Variants in DHX57 observed in about 807,000 individuals in gnomAD.
DHX57 encodes the protein DExH-box helicase 57.
In DHX57, 105 loss-of-function variants were observed where a neutral mutation model predicts 156.2. That is an observed-to-expected ratio of 0.67 (90% CI 0.57 to 0.79). DHX57 has a LOEUF of 0.79. Ranked by LOEUF, DHX57 falls within the 30% of genes least tolerant of loss-of-function variation. The pLI is 0.00. For synonymous variants in DHX57, 704 were observed against 595.6 expected, an observed-to-expected ratio of 1.18 and a Z score of -2.65; for missense variants, 1,847 against 1,661.9, an observed-to-expected ratio of 1.11 and a Z score of -1.94.
chr2:38,871,086 C>A (rs748786077), intron 1 of DHX57, among the ~76,000 whole-genome samples: 2 of 152,008 alleles, frequency 1.3e-5, no homozygotes, highest in Admixed American at 6.6e-5. Context: ...TAATTTAAAT[C>A]TACATGAAAA....
chr2:38,822,644 C>T (rs1016801267), intron 17 of DHX57, among the ~76,000 whole-genome samples: 2 of 152,202 alleles, frequency 1.3e-5, no homozygotes, highest in Admixed American at 1.3e-4. Flanking sequence ...ATCTGCCCGC[C>T]TCCGCCTCCC....
chr2:38,830,298 T>G (rs1028246617), intron 13 of DHX57, among the ~76,000 whole-genome samples: 2 of 152,182 alleles, frequency 1.3e-5, no homozygotes, highest in Admixed American at 1.3e-4. Flanking sequence ...TGTTCACATA[T>G]ATTATCCCAT....
In DHX57 at chr2:38,860,998, C is replaced by T. The variant is rs779593826; in HGVS notation, c.1411+1G>A. 1 of 1,610,722 alleles carries T rather than the reference C, an allele frequency of 6.2e-7. No homozygotes were observed. The highest frequency in any genetic ancestry group is 8.5e-7 in the Non-Finnish European group (1 of 1,177,726). Reference sequence around the variant, plus strand: ...CTCCACAAGATCAATGCCTTACATACCTTCTGGAATTTGATTAGAAACAAA... The same window carrying T: ...CTCCACAAGATCAATGCCTTACATATCTTCTGGAATTTGATTAGAAACAAA... On this transcript the variant is annotated splice_donor_variant, in intron 5 of 23. Transcript: ENST00000457308. LOFTEE classifies it high-confidence loss of function.
intron 21 of DHX57, chr2:38,810,658 T>G (rs1434992403): frequency 2.9e-6 from 2 of 678,390 alleles, no homozygotes; most frequent in Non-Finnish European, 5.5e-6. Context: ...GTCCTGGGAC[T>G]TGGCAATGCA....
At chr2:38,810,218 T>TA in intron 21 of DHX57, among the ~76,000 whole-genome samples, 1 of 147,592 alleles carries the variant, frequency 6.8e-6, no homozygotes, top group Non-Finnish European at 1.5e-5. Context: ...TTTTTTTTTT[T>TA]AATTGTCATT....
rs1276536455 is a variant in DHX57, at chr2:38,856,337, T to C, written c.1709+3A>G. On this transcript the variant is annotated splice_donor_region_variant and intron_variant, in intron 7 of 23. Coordinates refer to ENST00000457308, the MANE Select transcript of DHX57 (RefSeq NM_198963.3). ...GCTACAGATGAATAAACTGCATTCT[T>C]ACCCAGTCATACCACTTATGACAAC... 1.2e-6 allele frequency: 2 copies of C among 1,606,686 alleles called. No individual in the cohort carries two copies. The highest frequency in any genetic ancestry group is 2.2e-5 in the East Asian group (1 of 44,854).
chr2:38,868,398 G>T lies in DHX57; in HGVS notation c.8C>A (p.Ser3Tyr). Residue 3 changes from serine to tyrosine, a missense_variant, in exon 2 of 24, where the codon TCT becomes TAT. By Grantham distance (144) the Ser-to-Tyr change is moderately radical (BLOSUM62 -2). Coordinates refer to ENST00000457308, the MANE Select transcript of DHX57 (RefSeq NM_198963.3). Reference protein sequence around the residue: MSSSVRRKGKPGK... With the variant: MSYSVRRKGKPGK... ...TGGCTTGCCTTTTCTTCTTACTGAAGAACTCATTTTCACCTGCAAGAGAAA... is the reference window on the plus strand; with the variant it reads ...TGGCTTGCCTTTTCTTCTTACTGAATAACTCATTTTCACCTGCAAGAGAAA... The T allele has an allele frequency of 6.2e-7, 1 of 1,612,726 alleles. No individual in the cohort carries two copies. The highest frequency in any genetic ancestry group is 2.2e-5 in the East Asian group (1 of 44,882).
intron 23 of DHX57, among the ~76,000 whole-genome samples, 154 bp downstream of exon 23, chr2:38,802,561 T>A (rs1669734248): frequency 6.6e-6 from 1 of 152,138 alleles, no homozygotes; most frequent in Non-Finnish European, 1.5e-5. Context: ...GTGCTGGGAT[T>A]ATAGGTGTGA....
At chr2:38,855,402 T>C in intron 7 of DHX57, 150 bp from the exon 8 acceptor site, 1 of 808,700 alleles carries the variant, frequency 1.2e-6, no homozygotes, top group Non-Finnish European at 2.0e-6. Flanking sequence ...TCCTGACTTA[T>C]TACCAAGAGG....
At chr2:38,837,608 T>A (rs1317269756) in intron 13 of DHX57, among the ~76,000 whole-genome samples, 1 of 2,738 alleles carries the variant, frequency 3.7e-4, no homozygotes, top group African/African-American at 3.8e-4. Flanking sequence ...CAAAACCCCG[T>A]CTCAAAAAAA....
At chr2:38,808,039 C>G (rs1670048531) in intron 21 of DHX57, among the ~76,000 whole-genome samples, 1 of 147,608 alleles carries the variant, frequency 6.8e-6, no homozygotes, top group African/African-American at 2.5e-5. Flanking sequence ...ACTGCAACCT[C>G]CGCCTCTCGG....
rs531030510 is a variant in DHX57 at position 38,875,792 on chromosome 2, T to A, written c.-12A>T. ...CGCAGAAGTGGAAGACGTACCTGGC[T>A]CGCAGAGTTGGGTCCCGAGCCGGCT... On this transcript the variant is annotated 5_prime_UTR_variant, in exon 1 of 24. Coordinates refer to ENST00000457308, the MANE Select transcript of DHX57 (RefSeq NM_198963.3). 162 of 377,282 alleles carry A rather than the reference T, an allele frequency of 4.3e-4. 1 individual carries two copies. The highest frequency in any genetic ancestry group is 3.1e-3 in the African/African-American group (150 of 48,350). The allele number at this position is 377,282 out of a possible 1,614,324, so 23.4% of individuals were successfully genotyped here.
At chr2:38,863,561 T>C (rs1271126108) in intron 2 of DHX57, 42 bp from the exon 3 acceptor site, 1 of 1,585,468 alleles carries the variant, frequency 6.3e-7, no homozygotes, top group Non-Finnish European at 8.6e-7. Flanking sequence ...ATATCTTCAA[T>C]CAGAACTTTT....
At chr2:38,828,932 C>G (rs1671242079) in intron 13 of DHX57, among the ~76,000 whole-genome samples, 1 of 152,094 alleles carries the variant, frequency 6.6e-6, no homozygotes. Flanking sequence ...TAGCTAAGCT[C>G]TTTTTTTATT....
chr2:38,806,605 T>A lies in DHX57; in HGVS notation c.3770A>T (p.Lys1257Met). The change falls in exon 22 of 24, where the codon AAG becomes ATG. Residue 1257 changes from lysine to methionine, a missense_variant. By Grantham distance (95) the Lys-to-Met change is moderately conservative. Coordinates refer to ENST00000457308, the MANE Select transcript of DHX57 (RefSeq NM_198963.3). ...PKSAELKFVT[K>M]NDGYVHIHPS... ...GTGAATGTGTACATATCCATCGTTC[T>A]TGGTGACAAACTTCAACTCAGCTGA... is the stretch of plus-strand genomic sequence containing the variant. The A allele has an allele frequency of 6.2e-7, 1 of 1,614,196 alleles. No individual in the cohort carries two copies. Among genetic ancestry groups the A allele is most frequent in the Non-Finnish European group, 8.5e-7 (1 of 1,180,034 alleles).
rs775475592 is a variant in DHX57, at chr2:38,861,702, G to T, written c.708C>A (p.Val236=). Residue 236 remains valine (V), a synonymous_variant, in exon 5 of 24, where the codon GTC becomes GTA. Transcript: ENST00000457308. ...FGERMKISEA[V]NQISLDECME... Reference sequence around the variant, plus strand: ...TACACTCATCCAAGCTTATCTGGTTGACTGCCTCAGAGATCTTCATCCTCT... The same window carrying T: ...TACACTCATCCAAGCTTATCTGGTTTACTGCCTCAGAGATCTTCATCCTCT... 1.2e-6 allele frequency: 2 copies of T among 1,614,100 alleles called. No individual in the cohort carries two copies. The highest frequency in any genetic ancestry group is 2.2e-5 in the East Asian group (1 of 44,864).
At position 38,861,855 on chromosome 2, in the gene DHX57, T is replaced by A. The variant is rs766032390; in HGVS notation, c.573-18A>T. On this transcript the variant is annotated intron_variant, in intron 4 of 23. Coordinates refer to ENST00000457308, the MANE Select transcript of DHX57 (RefSeq NM_198963.3). ...AACCATACCTGTCAAGGGCAAAACA[T>A]GACAAAAATGACACATAAAAAGCAG... The A allele has an allele frequency of 2.6e-6, 4 of 1,552,422 alleles. No homozygotes were observed. The South Asian group carries it at 4.9e-5, about 19-fold the overall frequency.
At chr2:38,856,003 C>T (rs564444121) in intron 7 of DHX57, among the ~76,000 whole-genome samples, 13 of 152,180 alleles carry the variant, frequency 8.5e-5, no homozygotes, top group African/African-American at 3.1e-4. Flanking sequence ...CTCAGCTACT[C>T]GGATGGCTGA....
At chr2:38,868,501 TA>T in intron 1 of DHX57, 90 bp from the exon 2 acceptor site, 2 of 1,298,394 alleles carry the variant, frequency 1.5e-6, no homozygotes. Flanking sequence ...TAGGCTACTT[TA>T]AAGAAACAAA....
Sources: gnomAD v4.1 joint callset for allele counts (sites outside exome capture counted in the v4.1 genomes callset) on GRCh38, gnomAD v4.1.1 for gene constraint, MANE v1.5 for transcripts, NCBI Gene and HGNC (gene_info 2026-07-23, HGNC 2026-07-21) for gene names.